ANKRD12: variants seen among roughly 807,000 people sequenced by gnomAD.
ANKRD12 encodes the protein ankyrin repeat domain-containing protein 12.
In ANKRD12, 85 loss-of-function variants were observed where a neutral mutation model predicts 183.4. The observed-to-expected ratio is 0.46, with a 90% CI of 0.39 to 0.56. The LOEUF (loss-of-function observed/expected upper bound fraction) is 0.56. ANKRD12 is among the 20% of genes least tolerant of loss of function. ANKRD12 has a pLI of 0.00. For missense variants in ANKRD12, 2,405 were observed against 2,357.1 expected (o/e 1.02, Z -0.42); for synonymous variants, 914 against 800.2 (o/e 1.14, Z -2.40).
chr18:9,209,177 A>G (rs2035643305), intron 5 of ANKRD12, among the ~76,000 whole-genome samples: 1 of 152,190 alleles, frequency 6.6e-6, no homozygotes, highest in Non-Finnish European at 1.5e-5. Flanking sequence ...GTGTTCTCCA[A>G]AAATAATTGA....
intron 6 of ANKRD12, among the ~76,000 whole-genome samples, 155 bp downstream of exon 6, chr18:9,211,939 C>A (rs1032615307): frequency 4.6e-5 from 7 of 151,830 alleles, no homozygotes; most frequent in African/African-American, 1.5e-4. Flanking sequence ...TACATAAAAC[C>A]CCTGATTTCT....
intron 9 of ANKRD12, among the ~76,000 whole-genome samples, chr18:9,261,213 G>C (rs2038946957): frequency 6.6e-6 from 1 of 152,156 alleles, no homozygotes; most frequent in South Asian, 2.1e-4. Flanking sequence ...ATGGTTCTCT[G>C]TTACTTAACC....
chr18:9,182,193 T>G (rs8092613), intron 1 of ANKRD12, among the ~76,000 whole-genome samples, 189 bp from the exon 2 acceptor site: 3 of 152,074 alleles, frequency 2.0e-5, no homozygotes, highest in Non-Finnish European at 4.4e-5. Flanking sequence ...AGAAATTTAT[T>G]AAAGTAATTC....
At chr18:9,174,867 T>C (rs1048339931) in intron 1 of ANKRD12, among the ~76,000 whole-genome samples, 1 of 152,214 alleles carries the variant, frequency 6.6e-6, no homozygotes, top group African/African-American at 2.4e-5. Context: ...GTGAAACTGC[T>C]ATGAAGAATA....
chr18:9,186,677 G>A (rs909243838), intron 2 of ANKRD12, among the ~76,000 whole-genome samples: 1 of 151,208 alleles, frequency 6.6e-6, no homozygotes, highest in African/African-American at 2.4e-5. Context: ...ACAAAGTGAA[G>A]AAGTTGGGGT....
Position 9,254,604 on chromosome 18 carries a change from T to C in ANKRD12, c.1337T>C (p.Ile446Thr), listed in dbSNP as rs2038491122. The change falls in exon 9 of 13, where the codon ATC (isoleucine) becomes ACC (threonine). Residue 446 changes from isoleucine (I) to threonine (T), a missense_variant. By Grantham distance (89) the Ile-to-Thr change is moderately conservative (BLOSUM62 -1). Coordinates refer to ENST00000262126, the MANE Select transcript of ANKRD12 (RefSeq NM_015208.5). ...NKKISTSCSV[I>T]PETSNSDMQT... ...AAGATTTCTACTTCATGTTCCGTCA[T>C]CCCTGAAACATCAAATTCTGATATG... 6.3e-7 allele frequency: 1 copy of C among 1,586,190 alleles called. No homozygotes were observed. Among genetic ancestry groups the C allele is most frequent in the African/African-American group, 1.4e-5 (1 of 73,578 alleles).
At chr18:9,236,584 A>G (rs1270278158) in intron 8 of ANKRD12, among the ~76,000 whole-genome samples, 1 of 152,100 alleles carries the variant, frequency 6.6e-6, no homozygotes, top group Non-Finnish European at 1.5e-5. Flanking sequence ...ACATAGAGCA[A>G]AAATTCAAAG....
At chr18:9,159,231 G>A (rs1314127576) in intron 1 of ANKRD12, among the ~76,000 whole-genome samples, 2 of 149,434 alleles carry the variant, frequency 1.3e-5, no homozygotes, top group Non-Finnish European at 2.9e-5. Flanking sequence ...AAATATATGT[G>A]TATATTACTA....
intron 11 of ANKRD12, among the ~76,000 whole-genome samples, chr18:9,276,679 C>G (rs1038650887): frequency 6.6e-6 from 1 of 151,774 alleles, no homozygotes; most frequent in African/African-American, 2.4e-5. Context: ...TACCACTGCA[C>G]TCGAGCCTGG....
intron 8 of ANKRD12, among the ~76,000 whole-genome samples, chr18:9,232,002 C>G (rs2037082092): frequency 6.6e-6 from 1 of 152,104 alleles, no homozygotes; most frequent in Admixed American, 6.5e-5. Flanking sequence ...ACCCATTCAG[C>G]TAGTCTGTGT....
intron 8 of ANKRD12, among the ~76,000 whole-genome samples, chr18:9,246,150 C>T (rs1279808525): frequency 1.3e-5 from 2 of 151,688 alleles, no homozygotes; most frequent in African/African-American, 2.4e-5. Context: ...AAGTTCTCTA[C>T]TTAGCTATAG....
chr18:9,183,182 G>GT (rs2033823010), intron 2 of ANKRD12, among the ~76,000 whole-genome samples: 1 of 152,154 alleles, frequency 6.6e-6, no homozygotes. Flanking sequence ...ATCAGGAAGT[G>GT]TAAGTTTTCA....
At chr18:9,269,302 G>A (rs982433939) in intron 10 of ANKRD12, among the ~76,000 whole-genome samples, 1 of 152,098 alleles carries the variant, frequency 6.6e-6, no homozygotes. Flanking sequence ...AAAAGACCTC[G>A]CATTGCCAAG....
chr18:9,138,363 A>G (rs999417244), intron 1 of ANKRD12, among the ~76,000 whole-genome samples: 5 of 152,104 alleles, frequency 3.3e-5, no homozygotes, highest in Non-Finnish European at 5.9e-5. Context: ...AATATACAAA[A>G]TTAGCCAGGC....
At chr18:9,197,008 A>G (rs908884149) in intron 3 of ANKRD12, among the ~76,000 whole-genome samples, 1 of 152,082 alleles carries the variant, frequency 6.6e-6, no homozygotes, top group Admixed American at 6.5e-5. Flanking sequence ...AAATTACATT[A>G]CTCGGGTTTT....
In ANKRD12 at chr18:9,257,761, A is replaced by G; in HGVS notation, c.4494A>G (p.Ser1498=). The change falls in exon 9 of 13, where the codon TCA becomes TCG. Residue 1498 remains serine (S), a synonymous_variant. Coordinates refer to ENST00000262126, the MANE Select transcript of ANKRD12 (RefSeq NM_015208.5). ...PQQPCSFPSQ[S]LSDAESISKH... is the part of the protein sequence containing the mutation. ...AGCCTTGCTCTTTCCCCAGCCAATC[A>G]CTTTCAGATGCTGAATCGATTTCTA... 1.9e-6 allele frequency: 3 copies of G among 1,614,026 alleles called. No homozygotes were observed. The highest frequency in any genetic ancestry group is 2.5e-6 in the Non-Finnish European group (3 of 1,179,994).
intron 8 of ANKRD12, among the ~76,000 whole-genome samples, chr18:9,229,502 C>T (rs1408967597): frequency 6.6e-6 from 1 of 152,044 alleles, no homozygotes; most frequent in African/African-American, 2.4e-5. Flanking sequence ...TTGTAGAGAT[C>T]TTTCACCTCC....
At chr18:9,269,351 A>G (rs188300870) in intron 10 of ANKRD12, among the ~76,000 whole-genome samples, 94 of 152,270 alleles carry the variant, frequency 6.2e-4, no homozygotes, top group African/African-American at 2.2e-3. Context: ...GAGGCATCAC[A>G]CTACCTGACT....
At chr18:9,280,699 G>A (rs572804763) in intron 12 of ANKRD12, among the ~76,000 whole-genome samples, 4 of 152,082 alleles carry the variant, frequency 2.6e-5, no homozygotes, top group African/African-American at 4.8e-5. Context: ...TGAAGCAGGA[G>A]ACTCGCTTGA....
Sources: gnomAD v4.1 joint callset for allele counts (sites outside exome capture counted in the v4.1 genomes callset) on GRCh38, gnomAD v4.1.1 for gene constraint, MANE v1.5 for transcripts, NCBI Gene and HGNC (gene_info 2026-07-23, HGNC 2026-07-21) for gene names.